ICOS: variants seen among roughly 807,000 people sequenced by gnomAD.
ICOS encodes inducible T cell costimulator.
ICOS carries 15 observed loss-of-function variants against 24.6 expected under a neutral mutation model. The observed-to-expected ratio is 0.61, with a 90% CI of 0.41 to 0.94. The LOEUF is 0.94. Among genes scored for constraint, ICOS ranks in the 40% least tolerant of loss-of-function variants. The probability of loss-of-function intolerance (pLI) is 0.00; values close to 1 mark genes in which losing one functional copy is unlikely to be tolerated. For synonymous variants in ICOS, 89 were observed against 77.5 expected (o/e 1.15, Z -0.78); for missense variants, 200 against 233.0 (o/e 0.86, Z 0.92).
Position 203,957,453 on chromosome 2 carries a change from T to C in ICOS, c.502-346T>C, listed in dbSNP as rs754820560. On this transcript the variant is annotated intron_variant, in intron 3 of 4. Coordinates refer to ENST00000316386, the MANE Select transcript of ICOS (RefSeq NM_012092.4). ...CACTCTGCATATTACGCGAGTATGC[T>C]AGTACTCAAGTATATCCACAGTGTG... Among the ~76,000 whole-genome samples, 5 of 152,284 alleles carry C rather than the reference T, an allele frequency of 3.3e-5. No individual in the cohort carries two copies. The South Asian group carries it at 6.2e-4, about 19-fold the overall frequency.
At chr2:203,956,535 C>G (rs1003761104) in intron 2 of ICOS, 124 bp from the exon 3 acceptor site, 1 of 739,584 alleles carries the variant, frequency 1.4e-6, no homozygotes, top group Non-Finnish European at 2.5e-6. Context: ...AACTTGCCCA[C>G]TTACTGGATT....
chr2:203,950,952 T>C (rs1167263776), intron 1 of ICOS, among the ~76,000 whole-genome samples: 1 of 151,774 alleles, frequency 6.6e-6, no homozygotes, highest in Non-Finnish European at 1.5e-5. Context: ...CCCAGCTACT[T>C]GGGAAGCTGA....
At chr2:203,953,161 G>A (rs1303397618) in intron 1 of ICOS, among the ~76,000 whole-genome samples, 1 of 152,130 alleles carries the variant, frequency 6.6e-6, no homozygotes, top group African/African-American at 2.4e-5. Context: ...ACTCTTTGGG[G>A]TCCCAATTTA....
intron 2 of ICOS, among the ~76,000 whole-genome samples, chr2:203,956,300 A>G (rs559361134): frequency 3.5e-4 from 53 of 152,306 alleles, no homozygotes; most frequent in African/African-American, 1.2e-3. Flanking sequence ...TATTATCTCT[A>G]TTCACCTAAG....
chr2:203,959,522 G>C (rs1690134878), intron 4 of ICOS, 64 bp from the exon 5 acceptor site: 11 of 1,441,114 alleles, frequency 7.6e-6, no homozygotes, highest in Non-Finnish European at 1.1e-5. Flanking sequence ...AGAGGGGAAA[G>C]CTTCTTGTAG....
In ICOS at chr2:203,950,622, C is replaced by T. The variant is rs540039283; in HGVS notation, c.59-5014C>T. 4.6e-5 allele frequency among the ~76,000 whole-genome samples: 7 copies of T among 152,176 alleles called. No homozygotes were observed. In the South Asian group the frequency reaches 1.4e-3, roughly 31 times the overall value. On this transcript the variant is annotated intron_variant, in intron 1 of 4. Transcript: ENST00000316386. ...GCTATAGTTAAAAACATTCGAACTGCAGACTTAGAGCTGTCAAGCGGTTTT... is the reference window on the plus strand; with the variant it reads ...GCTATAGTTAAAAACATTCGAACTGTAGACTTAGAGCTGTCAAGCGGTTTT...
At chr2:203,942,951 C>T (rs1341303149) in intron 1 of ICOS, among the ~76,000 whole-genome samples, 2 of 152,196 alleles carry the variant, frequency 1.3e-5, no homozygotes. Context: ...ATTGCTGAGA[C>T]TTTCCAGAGC....
chr2:203,949,203 G>A lies in ICOS; in HGVS notation c.59-6433G>A, dbSNP rs894408340. 2.6e-5 allele frequency among the ~76,000 whole-genome samples: 4 copies of A among 152,344 alleles called. No homozygotes were observed. In the East Asian group the frequency reaches 7.7e-4, roughly 29 times the overall value. On this transcript the variant is annotated intron_variant, in intron 1 of 4. Coordinates refer to ENST00000316386, the MANE Select transcript of ICOS (RefSeq NM_012092.4). ...GATGGAGGAGAAGTGGATAGATTCT[G>A]TTGGACATAAAACAGAGGTGCTGGA...
intron 4 of ICOS, among the ~76,000 whole-genome samples, chr2:203,959,348 A>C (rs1311534675): frequency 6.6e-6 from 1 of 152,094 alleles, no homozygotes. Context: ...CAAAGTGATG[A>C]GTTTAGATAA....
chr2:203,945,376 T>G (rs1010324303), intron 1 of ICOS, among the ~76,000 whole-genome samples: 1 of 152,116 alleles, frequency 6.6e-6, no homozygotes, highest in African/African-American at 2.4e-5. Context: ...TGAGGAAGAC[T>G]CTGAGGTTCC....
At chr2:203,943,424 C>G (rs1234383328) in intron 1 of ICOS, among the ~76,000 whole-genome samples, 1 of 151,906 alleles carries the variant, frequency 6.6e-6, no homozygotes, top group Non-Finnish European at 1.5e-5. Flanking sequence ...ATTGTTGTCT[C>G]TCTTCTGGGT....
In ICOS at chr2:203,949,214, A is replaced by G. The variant is rs995398521; in HGVS notation, c.59-6422A>G. On this transcript the variant is annotated intron_variant, in intron 1 of 4. Coordinates refer to ENST00000316386, the MANE Select transcript of ICOS (RefSeq NM_012092.4). ...AGTGGATAGATTCTGTTGGACATAA[A>G]ACAGAGGTGCTGGAAATTAGGCGTT... Among the ~76,000 whole-genome samples the G allele has an allele frequency of 2.0e-5, 3 of 152,214 alleles. No individual in the cohort carries two copies. The South Asian group carries it at 6.2e-4, about 31-fold the overall frequency.
rs1690138488 is a variant in ICOS at position 203,959,653 on chromosome 2, G to A, written c.*54G>A. The A allele has an allele frequency of 2.0e-6, 3 of 1,536,568 alleles. No individual in the cohort carries two copies. Among genetic ancestry groups the A allele is most frequent in the Non-Finnish European group, 2.7e-6 (3 of 1,110,090 alleles). Reference sequence around the variant, plus strand: ...CACGTTGGCCAGTTTTCCTCAACTTGAAGTGCAAGATTCTCTTATTTCCGG... The same window carrying A: ...CACGTTGGCCAGTTTTCCTCAACTTAAAGTGCAAGATTCTCTTATTTCCGG... On this transcript the variant is annotated 3_prime_UTR_variant, in exon 5 of 5. Coordinates refer to ENST00000316386, the MANE Select transcript of ICOS (RefSeq NM_012092.4).
chr2:203,948,890 GA>G (rs1397189879), intron 1 of ICOS, among the ~76,000 whole-genome samples: 1 of 152,200 alleles, frequency 6.6e-6, no homozygotes, highest in Non-Finnish European at 1.5e-5. Context: ...GGAACAGAAA[GA>G]AGGGCAGTGT....
At chr2:203,946,029 AG>A (rs932129370) in intron 1 of ICOS, among the ~76,000 whole-genome samples, 1 of 152,144 alleles carries the variant, frequency 6.6e-6, no homozygotes, top group Non-Finnish European at 1.5e-5. Context: ...GGGTATTCAG[AG>A]GTGTGGATAA....
At chr2:203,938,743 T>C (rs1242350809) in intron 1 of ICOS, among the ~76,000 whole-genome samples, 3 of 152,206 alleles carry the variant, frequency 2.0e-5, no homozygotes, top group Non-Finnish European at 2.9e-5. Context: ...TTGTTTTAAG[T>C]TTCCAGATTA....
At chr2:203,947,602 G>A (rs561557196) in intron 1 of ICOS, among the ~76,000 whole-genome samples, 30 of 152,210 alleles carry the variant, frequency 2.0e-4, no homozygotes, top group African/African-American at 5.5e-4. Context: ...CACTGCGCCC[G>A]GCCTATAAAA....
At chr2:203,949,503 A>T (rs1005191152) in intron 1 of ICOS, among the ~76,000 whole-genome samples, 1 of 152,220 alleles carries the variant, frequency 6.6e-6, no homozygotes, top group Non-Finnish European at 1.5e-5. Context: ...TGCTGAGAAG[A>T]GGTTGAATCA....
intron 2 of ICOS, 36 bp from the exon 3 acceptor site, chr2:203,956,623 G>C (rs752025953): frequency 1.4e-6 from 2 of 1,440,618 alleles, no homozygotes; most frequent in Non-Finnish European, 9.8e-7. Context: ...TGGTTCAGCA[G>C]AATTTTTCAT....
Sources: gnomAD v4.1 joint callset for allele counts (sites outside exome capture counted in the v4.1 genomes callset) on GRCh38, gnomAD v4.1.1 for gene constraint, MANE v1.5 for transcripts, NCBI Gene and HGNC (gene_info 2026-07-23, HGNC 2026-07-21) for gene names.